CYRIA: variants seen among roughly 807,000 people sequenced by gnomAD.
CYRIA encodes the protein CYFIP-related Rac1 interactor A.
Under a neutral mutation model 43.9 loss-of-function variants are expected in CYRIA, and 15 were observed. The observed-to-expected ratio is 0.34, with a 90% CI of 0.23 to 0.53. The LOEUF (loss-of-function observed/expected upper bound fraction) is 0.53. Ranked by LOEUF, CYRIA falls within the 20% of genes least tolerant of loss-of-function variation. The probability of loss-of-function intolerance (pLI) is 0.94; values close to 1 mark genes in which losing one functional copy is unlikely to be tolerated. For missense variants in CYRIA, 236 were observed against 394.2 expected (o/e 0.60, Z 3.40); for synonymous variants, 117 against 136.0 (o/e 0.86, Z 0.97).
At chr2:16,573,594 T>TG (rs1335493237) in intron 3 of CYRIA, among the ~76,000 whole-genome samples, 3 of 152,202 alleles carry the variant, frequency 2.0e-5, no homozygotes, top group African/African-American at 7.2e-5. Context: ...CCACGTGTTG[T>TG]GGGAGGGACC....
At chr2:16,652,720 G>A (rs190840633) in intron 1 of CYRIA, among the ~76,000 whole-genome samples, 1 of 152,066 alleles carries the variant, frequency 6.6e-6, no homozygotes, top group African/African-American at 2.4e-5. Context: ...TCCAGCCTTC[G>A]GTCAGTTTTT....
At chr2:16,656,723 A>G (rs1670123426) in intron 1 of CYRIA, among the ~76,000 whole-genome samples, 1 of 152,280 alleles carries the variant, frequency 6.6e-6, no homozygotes, top group Admixed American at 6.5e-5. Context: ...CTCAAAAGAC[A>G]AAGACATAAA....
chr2:16,578,815 G>A (rs1558410804), intron 3 of CYRIA, among the ~76,000 whole-genome samples: 1 of 151,604 alleles, frequency 6.6e-6, no homozygotes, highest in Non-Finnish European at 1.5e-5. Context: ...TGGTGTCCCA[G>A]AAGAAGAAGA....
chr2:16,585,230 A>T (rs985169267), intron 3 of CYRIA, among the ~76,000 whole-genome samples: 39 of 152,108 alleles, frequency 2.6e-4, no homozygotes, highest in African/African-American at 8.0e-4. Flanking sequence ...GGATAAAAAA[A>T]TTTTTTTTCC....
chr2:16,604,934 C>A (rs1668341943), intron 2 of CYRIA, among the ~76,000 whole-genome samples: 1 of 152,092 alleles, frequency 6.6e-6, no homozygotes, highest in Non-Finnish European at 1.5e-5. Context: ...TTTCATCTGA[C>A]AATAAAAATG....
At chr2:16,587,678 C>CCCCT (rs1198809306) in intron 3 of CYRIA, among the ~76,000 whole-genome samples, 1 of 152,046 alleles carries the variant, frequency 6.6e-6, no homozygotes, top group African/African-American at 2.4e-5. Context: ...TGGGAGGTAA[C>CCCCT]TGAATCATGG....
Position 16,582,600 on chromosome 2 carries a change from G to A in CYRIA, c.70+5450C>T, listed in dbSNP as rs193135382. 8.8e-4 allele frequency among the ~76,000 whole-genome samples: 134 copies of A among 152,224 alleles called. 1 individual carries two copies. The highest frequency in any genetic ancestry group is 2.5e-4 in the Non-Finnish European group (17 of 68,012). On this transcript the variant is annotated intron_variant, in intron 3 of 11. Transcript: ENST00000381323. ...TTGCCTATTCTAGACATTTCATATA[G>A]ATGAAATCAACAGTGTGTGGTCTTT...
chr2:16,601,441 AT>A (rs577984459), intron 2 of CYRIA, among the ~76,000 whole-genome samples: 68 of 152,076 alleles, frequency 4.5e-4, no homozygotes, highest in African/African-American at 5.8e-4. Context: ...AGGTTATTCA[AT>A]TTTTTTCCCC....
intron 10 of CYRIA, among the ~76,000 whole-genome samples, chr2:16,555,362 T>C (rs1394365510): frequency 1.9e-5 from 2 of 103,418 alleles, no homozygotes; most frequent in African/African-American, 1.3e-4. Context: ...TTCATACTAT[T>C]TGCAATTGTA....
intron 3 of CYRIA, among the ~76,000 whole-genome samples, chr2:16,574,479 A>C (rs1667252928): frequency 6.6e-6 from 1 of 152,230 alleles, no homozygotes; most frequent in South Asian, 2.1e-4. Flanking sequence ...AATGGGGAAA[A>C]TGTCTCCAGG....
At chr2:16,558,165 C>A (rs1434671676) in intron 10 of CYRIA, among the ~76,000 whole-genome samples, 1 of 151,766 alleles carries the variant, frequency 6.6e-6, no homozygotes, top group Non-Finnish European at 1.5e-5. Flanking sequence ...GAGGTTATTA[C>A]AGGATATATT....
chr2:16,645,437 T>A (rs1285830153), intron 1 of CYRIA, among the ~76,000 whole-genome samples: 1 of 152,176 alleles, frequency 6.6e-6, no homozygotes, highest in Non-Finnish European at 1.5e-5. Flanking sequence ...GCTGTGGAGT[T>A]TAAATGAGCT....
intron 1 of CYRIA, among the ~76,000 whole-genome samples, chr2:16,662,292 C>T (rs547812727): frequency 3.9e-5 from 6 of 152,208 alleles, no homozygotes; most frequent in Non-Finnish European, 8.8e-5. Context: ...TAACTGAGAA[C>T]GCTTTTCTAA....
rs959784089 is a variant in CYRIA at position 16,550,866 on chromosome 2, G to A, written c.*2070C>T. 1 of 152,110 alleles carries A rather than the reference G, an allele frequency of 6.6e-6. No homozygotes were observed. Among genetic ancestry groups the A allele is most frequent in the Non-Finnish European group, 1.5e-5 (1 of 68,004 alleles). 9.4% of individuals were successfully genotyped at this position (152,110 alleles called of 1,614,324 possible). A position where few individuals can be genotyped will look rare whatever the true frequency, so the allele number is the denominator to read the frequency against. On this transcript the variant is annotated 3_prime_UTR_variant, in exon 12 of 12. Coordinates refer to ENST00000381323, the MANE Select transcript of CYRIA (RefSeq NM_030797.4). Reference sequence around the variant, plus strand: ...AATATTGTGTGGTTCTATATTTCTAGCCTAGACAATTGTTGCTCAAGTGTA... The same window carrying A: ...AATATTGTGTGGTTCTATATTTCTAACCTAGACAATTGTTGCTCAAGTGTA...
chr2:16,657,162 A>G (rs995473303), intron 1 of CYRIA, among the ~76,000 whole-genome samples: 1 of 152,240 alleles, frequency 6.6e-6, no homozygotes, highest in Non-Finnish European at 1.5e-5. Context: ...GCCAAGGAAG[A>G]GAAGTGACAA....
intron 2 of CYRIA, among the ~76,000 whole-genome samples, chr2:16,591,019 C>A (rs75216288): frequency 6.6e-6 from 1 of 152,056 alleles, no homozygotes; most frequent in Non-Finnish European, 1.5e-5. Flanking sequence ...CTTGGAAAGG[C>A]CTCTCATCCA....
intron 2 of CYRIA, among the ~76,000 whole-genome samples, chr2:16,618,551 G>A (rs1321328585): frequency 6.6e-6 from 1 of 152,180 alleles, no homozygotes; most frequent in Admixed American, 6.5e-5. Flanking sequence ...GATTCTAAAT[G>A]CATTTTGGTA....
intron 1 of CYRIA, among the ~76,000 whole-genome samples, chr2:16,633,240 G>A (rs554583484): frequency 2.8e-4 from 43 of 152,120 alleles, no homozygotes; most frequent in African/African-American, 9.2e-4. Flanking sequence ...CCCCCACCCT[G>A]TCTACCATCC....
intron 1 of CYRIA, among the ~76,000 whole-genome samples, chr2:16,632,150 T>G (rs72777942): frequency 0.027 from 4,059 of 152,244 alleles, 130 homozygotes; most frequent in Admixed American, 0.094. Context: ...GAGATCTGGG[T>G]TCCAGTTCCA....
Sources: allele counts gnomAD v4.1 joint callset (sites outside exome capture counted in the v4.1 genomes callset), GRCh38; gene constraint gnomAD v4.1.1; transcripts MANE v1.5; gene names NCBI Gene and HGNC (gene_info 2026-07-23, HGNC 2026-07-21).